The following FHIT variants were observed in gnomAD, a reference collection of about 807,000 sequenced individuals.
FHIT encodes the protein bis(5'-adenosyl)-triphosphatase.
A neutral mutation model predicts 17.9 loss-of-function variants in FHIT; 19 were observed. The ratio of observed to expected loss-of-function variants is 1.06; its 90% CI spans 0.74 to 1.56. The LOEUF (loss-of-function observed/expected upper bound fraction) is 1.56. Among genes scored for constraint, FHIT ranks in the 40% most tolerant of loss-of-function variants. The pLI is 0.00. For missense variants in FHIT, 248 were observed against 189.2 expected (o/e 1.31, Z -1.82); for synonymous variants, 81 against 69.7 (o/e 1.16, Z -0.81).
intron 3 of FHIT, among the ~76,000 whole-genome samples, chr3:60,901,348 A>T (rs782160284): frequency 2.6e-5 from 4 of 152,214 alleles, no homozygotes; most frequent in Non-Finnish European, 5.9e-5. Context: ...TCCAAATCAA[A>T]GTCAAGGATG....
At chr3:60,608,343 G>A (rs1377763449) in intron 4 of FHIT, among the ~76,000 whole-genome samples, 1 of 152,158 alleles carries the variant, frequency 6.6e-6, no homozygotes, top group African/African-American at 2.4e-5. Context: ...TTCCTCAGGT[G>A]CTATGGCTGT....
intron 8 of FHIT, among the ~76,000 whole-genome samples, chr3:59,865,666 CT>C (rs11288129): frequency 0.55 from 83,108 of 152,000 alleles, 24,106 homozygotes; most frequent in African/African-American, 0.75. Flanking sequence ...TTGCAATCTA[CT>C]TTATGGCTCC....
chr3:60,560,881 A>G (rs1418863235), intron 4 of FHIT, among the ~76,000 whole-genome samples: 3 of 147,558 alleles, frequency 2.0e-5, no homozygotes, highest in Admixed American at 1.4e-4. Flanking sequence ...TGTCAAGGAG[A>G]GGTGGGGAGG....
chr3:60,065,898 C>T (rs1212571504), intron 5 of FHIT, among the ~76,000 whole-genome samples: 1 of 152,156 alleles, frequency 6.6e-6, no homozygotes, highest in Non-Finnish European at 1.5e-5. Context: ...TCCCTTTCTT[C>T]CTACCGTGAA....
At chr3:60,184,698 G>A (rs1702087583) in intron 5 of FHIT, among the ~76,000 whole-genome samples, 1 of 152,038 alleles carries the variant, frequency 6.6e-6, no homozygotes. Context: ...ACCACGTGTG[G>A]CCGACATTTA....
Position 60,077,067 on chromosome 3 carries a change from T to C in FHIT, c.104-62915A>G, listed in dbSNP as rs937050939. Among the ~76,000 whole-genome samples the C allele has an allele frequency of 7.2e-5, 6 of 83,838 alleles. No individual in the cohort carries two copies. The East Asian group carries it at 1.3e-3, about 18-fold the overall frequency. The allele number at this position is 83,838 out of a possible 152,430, so 55.0% of individuals were successfully genotyped here. Reference sequence around the variant, plus strand: ...AGATAAAACTTAGTAGACAGAAATATATTTTTTTCATAGCAAACAAAGCAA... The same window carrying C: ...AGATAAAACTTAGTAGACAGAAATACATTTTTTTCATAGCAAACAAAGCAA... On this transcript the variant is annotated intron_variant, in intron 5 of 9. Transcript: ENST00000492590.
At chr3:60,760,854 G>A (rs781782849) in intron 4 of FHIT, among the ~76,000 whole-genome samples, 20 of 152,110 alleles carry the variant, frequency 1.3e-4, no homozygotes, top group Non-Finnish European at 2.5e-4. Context: ...TCCTTTGCCC[G>A]TGATCCTTCC....
In FHIT at chr3:60,109,053, C is replaced by T. The variant is rs965102718; in HGVS notation, c.104-94901G>A. Reference sequence around the variant, plus strand: ...ATAAGCAGAGCTGGTTTCTGCATTGCTAACTGGGAGCTTCCTAACTAAAAG... The same window carrying T: ...ATAAGCAGAGCTGGTTTCTGCATTGTTAACTGGGAGCTTCCTAACTAAAAG... On this transcript the variant is annotated intron_variant, in intron 5 of 9. Coordinates refer to ENST00000492590, the MANE Select transcript of FHIT (RefSeq NM_002012.4). Among the ~76,000 whole-genome samples the T allele has an allele frequency of 2.6e-5, 4 of 152,198 alleles. No homozygotes were observed. The East Asian group carries it at 7.7e-4, about 29-fold the overall frequency.
chr3:60,261,572 G>A (rs570891709), intron 5 of FHIT, among the ~76,000 whole-genome samples: 2 of 152,150 alleles, frequency 1.3e-5, no homozygotes, highest in African/African-American at 4.8e-5. Context: ...AAAGAAACCA[G>A]CCTGATGTCA....
At chr3:60,378,161 G>A (rs113133644) in intron 5 of FHIT, among the ~76,000 whole-genome samples, 11,499 of 151,560 alleles carry the variant, frequency 0.076, 944 homozygotes, top group East Asian at 0.2. Flanking sequence ...CGAGTAGCTG[G>A]GACTACAGAC....
intron 5 of FHIT, among the ~76,000 whole-genome samples, chr3:60,326,569 C>G (rs567829365): frequency 1.1e-4 from 16 of 152,316 alleles, no homozygotes; most frequent in African/African-American, 3.8e-4. Context: ...GGCCAGGTTC[C>G]TAACAGGCCA....
chr3:60,446,165 T>C (rs1018216044), intron 5 of FHIT, among the ~76,000 whole-genome samples: 1 of 152,058 alleles, frequency 6.6e-6, no homozygotes, highest in Non-Finnish European at 1.5e-5. Flanking sequence ...CTGCAACTAA[T>C]TAGCTTCAGA....
At chr3:60,399,798 T>C (rs1701589868) in intron 5 of FHIT, among the ~76,000 whole-genome samples, 1 of 152,156 alleles carries the variant, frequency 6.6e-6, no homozygotes, top group Admixed American at 6.5e-5. Context: ...TCATTAGCTA[T>C]GATACATAAT....
intron 4 of FHIT, among the ~76,000 whole-genome samples, chr3:60,692,731 A>G (rs1030112022): frequency 6.6e-6 from 1 of 152,164 alleles, no homozygotes; most frequent in Non-Finnish European, 1.5e-5. Flanking sequence ...TTGAACCTCA[A>G]AGTTTGTGTT....
intron 8 of FHIT, among the ~76,000 whole-genome samples, chr3:59,792,604 A>T (rs2106935526): frequency 6.6e-6 from 1 of 152,272 alleles, no homozygotes; most frequent in East Asian, 1.9e-4. Flanking sequence ...CCTCACAAAG[A>T]TTTGATGACA....
chr3:60,618,641 G>A (rs114528115), intron 4 of FHIT, among the ~76,000 whole-genome samples: 1,553 of 152,282 alleles, frequency 0.01, 38 homozygotes, highest in African/African-American at 0.035. Context: ...AGATGTCAAC[G>A]TTTTAATTTG....
At chr3:60,245,899 C>A (rs1576363331) in intron 5 of FHIT, among the ~76,000 whole-genome samples, 1 of 151,660 alleles carries the variant, frequency 6.6e-6, no homozygotes, top group African/African-American at 2.4e-5. Flanking sequence ...GTGACAAAAC[C>A]AAAACAAGCC....
intron 8 of FHIT, among the ~76,000 whole-genome samples, chr3:59,906,357 A>G (rs966995468): frequency 6.6e-6 from 1 of 152,236 alleles, no homozygotes; most frequent in African/African-American, 2.4e-5. Context: ...TCCTAAAATT[A>G]AATGCATTTT....
chr3:60,954,595 A>G (rs1159770181), intron 3 of FHIT, among the ~76,000 whole-genome samples: 1 of 152,220 alleles, frequency 6.6e-6, no homozygotes, highest in Non-Finnish European at 1.5e-5. Context: ...TACAGAAGGC[A>G]TGGAATGTTT....
Sources: gnomAD v4.1 joint callset for allele counts (sites outside exome capture counted in the v4.1 genomes callset) on GRCh38, gnomAD v4.1.1 for gene constraint, MANE v1.5 for transcripts, NCBI Gene and HGNC (gene_info 2026-07-23, HGNC 2026-07-21) for gene names.